Variants in SND1 observed in about 807,000 individuals in gnomAD.
SND1 encodes the protein staphylococcal nuclease and tudor domain containing 1, also known as staphylococcal nuclease domain-containing protein 1.
A neutral mutation model predicts 121.7 loss-of-function variants in SND1; 38 were observed. The ratio of observed to expected loss-of-function variants is 0.31; its 90% CI spans 0.24 to 0.41. The LOEUF (loss-of-function observed/expected upper bound fraction) is 0.41. SND1 is among the 10% of genes least tolerant of loss of function. The pLI is 1.00. For synonymous variants in SND1, 401 were observed against 447.4 expected (o/e 0.90, Z 1.31); for missense variants, 868 against 1,184.6 (o/e 0.73, Z 3.92).
intron 15 of SND1, among the ~76,000 whole-genome samples, chr7:127,977,715 C>T (rs1040784012): frequency 2.6e-5 from 4 of 152,022 alleles, no homozygotes; most frequent in African/African-American, 7.3e-5. Flanking sequence ...ACAGGTAGAT[C>T]GATCAGAAGA....
intron 15 of SND1, among the ~76,000 whole-genome samples, chr7:127,956,157 C>T (rs1031640670): frequency 6.6e-6 from 1 of 152,140 alleles, no homozygotes. Context: ...TCCATATGCC[C>T]AATCCTTAGC....
At chr7:127,973,745 T>C (rs1194528884) in intron 15 of SND1, among the ~76,000 whole-genome samples, 1 of 152,248 alleles carries the variant, frequency 6.6e-6, no homozygotes, top group Non-Finnish European at 1.5e-5. Context: ...GTGTGGATTC[T>C]TGAAGGAGAG....
intron 10 of SND1, among the ~76,000 whole-genome samples, chr7:127,722,424 T>C (rs1274478486): frequency 1.3e-5 from 2 of 151,934 alleles, no homozygotes; most frequent in Non-Finnish European, 2.9e-5. Flanking sequence ...GCTCAAACAG[T>C]CCTTCTGTCT....
At chr7:127,863,249 A>G (rs1296326601) in intron 12 of SND1, among the ~76,000 whole-genome samples, 2 of 152,232 alleles carry the variant, frequency 1.3e-5, no homozygotes, top group African/African-American at 4.8e-5. Context: ...CAAGTCCAGT[A>G]TCCCACACAG....
chr7:127,930,525 C>T (rs1800939057), intron 15 of SND1, among the ~76,000 whole-genome samples: 1 of 152,150 alleles, frequency 6.6e-6, no homozygotes, highest in Non-Finnish European at 1.5e-5. Context: ...CTCTTATGAA[C>T]TTGATCACTG....
rs1361880658 is a variant in SND1 at position 127,654,932 on chromosome 7, G to C, written c.78+2481G>C. ...AAGCAAAGTTGTATTTTCCTGTAGA[G>C]TAATAGTTTCCATTGGTACTAGGAA... On this transcript the variant is annotated intron_variant, in intron 1 of 23. Coordinates refer to ENST00000354725, the MANE Select transcript of SND1 (RefSeq NM_014390.4). Among the ~76,000 whole-genome samples the C allele has an allele frequency of 2.6e-5, 4 of 152,204 alleles. No individual in the cohort carries two copies. The South Asian group carries it at 6.2e-4, about 24-fold the overall frequency.
At chr7:127,895,466 G>T (rs1322136808) in intron 13 of SND1, among the ~76,000 whole-genome samples, 1 of 152,012 alleles carries the variant, frequency 6.6e-6, no homozygotes, top group African/African-American at 2.4e-5. Flanking sequence ...AATGGCTTCC[G>T]TTCTTTTTTA....
chr7:127,652,460 G>C lies in SND1; in HGVS notation c.78+9G>C, dbSNP rs767400716. On this transcript the variant is annotated intron_variant, in intron 1 of 23. Transcript: ENST00000354725. ...GGGGCATCATCAAGATGGTGAGAAC[G>C]GGCCCCGGACACCGACCCCTCTGCC... 6.4e-6 allele frequency: 10 copies of C among 1,566,608 alleles called. No homozygotes were observed. In the South Asian group the frequency reaches 1.2e-4, roughly 18 times the overall value.
chr7:127,790,786 G>T (rs996000615), intron 10 of SND1, among the ~76,000 whole-genome samples: 8 of 152,140 alleles, frequency 5.3e-5, no homozygotes, highest in Non-Finnish European at 7.3e-5. Context: ...TCCTGGAGTC[G>T]GTAAGCAGCA....
rs1793789210 is a variant in SND1, at chr7:128,091,983, T to C, written c.2668-10T>C. The C allele has an allele frequency of 6.2e-7, 1 of 1,614,216 alleles. No individual in the cohort carries two copies. Among genetic ancestry groups the C allele is most frequent in the Admixed American group, 1.7e-5 (1 of 60,034 alleles). ...ATCCCTGAAGAGCTATTGTCTGTTT[T>C]TTCTTACAGCTGAACCTGTGGCGCT... On this transcript the variant is annotated splice_polypyrimidine_tract_variant and intron_variant, in intron 23 of 23. Transcript: ENST00000354725.
At chr7:127,846,116 T>C (rs1163477142) in intron 12 of SND1, among the ~76,000 whole-genome samples, 1 of 152,226 alleles carries the variant, frequency 6.6e-6, no homozygotes, top group South Asian at 2.1e-4. Context: ...GTCAATTCTG[T>C]TGGCTGTTTA....
intron 11 of SND1, among the ~76,000 whole-genome samples, chr7:127,810,584 C>T (rs527410526): frequency 1.3e-5 from 2 of 152,274 alleles, no homozygotes; most frequent in South Asian, 2.1e-4. Flanking sequence ...TGTGTGAATA[C>T]GATGGTGAGA....
chr7:127,982,903 A>G (rs1273246498), intron 15 of SND1, among the ~76,000 whole-genome samples: 4 of 152,304 alleles, frequency 2.6e-5, no homozygotes, highest in African/African-American at 9.6e-5. Flanking sequence ...TTGGCTTTGT[A>G]TGTTATTTAA....
chr7:127,716,647 T>G (rs1473095615), intron 9 of SND1, among the ~76,000 whole-genome samples: 1 of 152,210 alleles, frequency 6.6e-6, no homozygotes, highest in Non-Finnish European at 1.5e-5. Context: ...ACAGTGATAA[T>G]TTTATTTCTT....
intron 1 of SND1, among the ~76,000 whole-genome samples, chr7:127,684,095 A>T (rs1795773659): frequency 6.6e-6 from 1 of 152,144 alleles, no homozygotes; most frequent in South Asian, 2.1e-4. Context: ...ATATTTAGAG[A>T]TGAGGGGCTC....
chr7:128,065,421 A>G (rs1279688696), intron 16 of SND1, among the ~76,000 whole-genome samples: 1 of 152,238 alleles, frequency 6.6e-6, no homozygotes, highest in Non-Finnish European at 1.5e-5. Flanking sequence ...GGAACAGGGC[A>G]GGGGTCTGTA....
chr7:127,827,686 C>T (rs548934978), intron 11 of SND1, among the ~76,000 whole-genome samples: 10 of 152,258 alleles, frequency 6.6e-5, no homozygotes, highest in Admixed American at 2.0e-4. Context: ...TGTCACTAAT[C>T]AAATACTTAT....
chr7:128,027,689 A>G (rs1394383645), intron 16 of SND1: 2 of 152,220 alleles, frequency 1.3e-5, no homozygotes, highest in Non-Finnish European at 1.5e-5. Flanking sequence ...TAAAAATCAT[A>G]AAATGCCATC....
In SND1 at chr7:127,795,470, G is replaced by A. The variant is rs536266826; in HGVS notation, c.1153-12014G>A. The stretch of plus-strand genomic sequence containing the variant: ...GTAGTTTACTATCATATTTATTTTA[G>A]CGTTGAACTGTCACACATAAAATAT... On this transcript the variant is annotated intron_variant, in intron 10 of 23. Coordinates refer to ENST00000354725, the MANE Select transcript of SND1 (RefSeq NM_014390.4). 4.6e-5 allele frequency among the ~76,000 whole-genome samples: 7 copies of A among 152,180 alleles called. No individual in the cohort carries two copies. In the South Asian group the frequency reaches 1.0e-3, roughly 23 times the overall value.
Sources: allele counts gnomAD v4.1 joint callset (sites outside exome capture counted in the v4.1 genomes callset), GRCh38; gene constraint gnomAD v4.1.1; transcripts MANE v1.5; gene names NCBI Gene and HGNC (gene_info 2026-07-23, HGNC 2026-07-21).